The following PFKFB3 variants were observed in gnomAD, a reference collection of about 807,000 sequenced individuals.
PFKFB3 encodes 6-phosphofructo-2-kinase/fructose-2,6-biphosphatase 3.
PFKFB3 carries 33 observed loss-of-function variants against 68.0 expected under a neutral mutation model. The ratio of observed to expected loss-of-function variants is 0.49; its 90% CI spans 0.37 to 0.65. The LOEUF is 0.65. Ranked by LOEUF, PFKFB3 falls within the 30% of genes least tolerant of loss-of-function variation. The probability of loss-of-function intolerance (pLI) is 0.00; values close to 1 mark genes in which losing one functional copy is unlikely to be tolerated. For missense variants in PFKFB3, 586 were observed against 712.2 expected (o/e 0.82, Z 2.02); for synonymous variants, 315 against 288.2 (o/e 1.09, Z -0.94).
chr10:6,201,619 C>T (rs1843360072), upstream of PFKFB3, among the ~76,000 whole-genome samples: 1 of 152,120 alleles, frequency 6.6e-6, no homozygotes, highest in African/African-American at 2.4e-5. This position sits in a 1 kb window ranked among gnomAD's most constrained non-coding sequence, Gnocchi z 4.1. Context: ...TGGGCGCGGG[C>T]GCCCTCCCTG....
intron 1 of PFKFB3, among the ~76,000 whole-genome samples, chr10:6,187,037 G>A (rs1365802872): frequency 1.3e-5 from 2 of 151,966 alleles, no homozygotes; most frequent in African/African-American, 4.8e-5. Context: ...ATGTGGAAGT[G>A]CGGTGTGGGC....
the PFKFB3 span, among the ~76,000 whole-genome samples, chr10:6,305,036 A>G: frequency 0.059 from 764 of 12,890 alleles, 22 homozygotes; most frequent in African/African-American, 0.11. Flanking sequence ...TTTTTTTAGT[A>G]GAGATGACAT....
chr10:6,228,606 C>CT lies in PFKFB3; in HGVS notation c.1515+2241_1515+2242insT, dbSNP rs1313100911. On this transcript the variant is annotated intron_variant, in intron 14 of 14. Transcript: ENST00000379775. This position sits in a 1 kb window ranked among gnomAD's most constrained non-coding sequence, Gnocchi z 4.5. ...GTGCCAGGTGCCATTAGCCTTAAAG[C>CT]CCCCTCCTGCCCCAGGAGTGTCCTT... Among the ~76,000 whole-genome samples the CT allele has an allele frequency of 5.3e-5, 8 of 152,214 alleles. No homozygotes were observed. In the East Asian group the frequency reaches 1.6e-3, roughly 30 times the overall value.
the PFKFB3 span, among the ~76,000 whole-genome samples, chr10:6,288,570 ATATGTG>A: frequency 6.6e-6 from 1 of 151,718 alleles, no homozygotes; most frequent in Non-Finnish European, 1.5e-5. Context: ...TCCATGGTGT[ATATGTG>A]CCACATTTTC....
the PFKFB3 span, among the ~76,000 whole-genome samples, chr10:6,291,069 C>A: frequency 6.6e-6 from 1 of 151,798 alleles, no homozygotes; most frequent in Non-Finnish European, 1.5e-5. Flanking sequence ...ATAGAATAGG[C>A]ATAAATCAAA....
intron 1 of PFKFB3, 74 bp from the exon 2 acceptor site, chr10:6,213,549 T>C (rs1844369039): frequency 6.6e-7 from 1 of 1,509,430 alleles, no homozygotes; most frequent in South Asian, 1.2e-5. Context: ...TTCAGTGTTA[T>C]TGTTGGGTGT....
intron 14 of PFKFB3, chr10:6,231,357 C>T (rs1035648564): frequency 2.1e-5 from 34 of 1,611,244 alleles, no homozygotes; most frequent in Admixed American, 3.3e-5. Context: ...CACCGCGTCA[C>T]GGCATCTGGG....
intron 1 of PFKFB3, among the ~76,000 whole-genome samples, chr10:6,155,197 G>GTT (rs1554839904): frequency 2.0e-5 from 2 of 101,324 alleles, no homozygotes; most frequent in African/African-American, 5.6e-5. Flanking sequence ...GCACTTACGA[G>GTT]TTTTTTTCTT....
chr10:6,160,412 T>A (rs1036186432), intron 1 of PFKFB3, among the ~76,000 whole-genome samples: 1 of 152,204 alleles, frequency 6.6e-6, no homozygotes, highest in Non-Finnish European at 1.5e-5. Flanking sequence ...AGTTCCCTTT[T>A]GACCTGTTAC....
chr10:6,308,447 C>T, the PFKFB3 span, among the ~76,000 whole-genome samples: 1 of 152,144 alleles, frequency 6.6e-6, no homozygotes, highest in African/African-American at 2.4e-5. Flanking sequence ...ACCTGGGAGA[C>T]AGAGGTTGCA....
chr10:6,250,510 G>T (rs542149799), intron 14 of PFKFB3, among the ~76,000 whole-genome samples: 2 of 151,756 alleles, frequency 1.3e-5, no homozygotes, highest in Admixed American at 6.6e-5. Flanking sequence ...GGCAGAGCTT[G>T]CAGTGAGCCA....
At chr10:6,291,555 CAAAA>C in the PFKFB3 span, among the ~76,000 whole-genome samples, 2 of 59,152 alleles carry the variant, frequency 3.4e-5, no homozygotes, top group Middle Eastern at 9.4e-3. Context: ...GACTCTGTCT[CAAAA>C]AAAAAAAAAA....
chr10:6,312,341 G>A, the PFKFB3 span, among the ~76,000 whole-genome samples: 1 of 152,008 alleles, frequency 6.6e-6, no homozygotes, highest in East Asian at 1.9e-4. Flanking sequence ...TTTTGCCTGG[G>A]CTCTTTCTAC....
the PFKFB3 span, among the ~76,000 whole-genome samples, chr10:6,260,834 T>A: frequency 6.6e-6 from 1 of 152,372 alleles, no homozygotes; most frequent in Non-Finnish European, 1.5e-5. Flanking sequence ...CTATTATGAA[T>A]AATGATTCTT....
Position 6,228,748 on chromosome 10 carries a change from AC to A in PFKFB3, c.1515+2387del, listed in dbSNP as rs1321884044. Reference sequence around the variant, plus strand: ...CTCCCTCCCCATGAGGACCCCCCACACCCCAAAAGAGCTCCGAGTGGAGACC... The same window carrying A: ...CTCCCTCCCCATGAGGACCCCCCACACCCAAAAGAGCTCCGAGTGGAGACC... On this transcript the variant is annotated intron_variant, in intron 14 of 14. Transcript: ENST00000379775. This position sits in a 1 kb window ranked among gnomAD's most constrained non-coding sequence, Gnocchi z 4.5. Among the ~76,000 whole-genome samples the A allele has an allele frequency of 6.6e-6, 1 of 151,756 alleles. No individual in the cohort carries two copies. Among genetic ancestry groups the A allele is most frequent in the East Asian group, 1.9e-4 (1 of 5,166 alleles).
chr10:6,255,281 T>A (rs1846479418), downstream of PFKFB3, among the ~76,000 whole-genome samples: 1 of 151,978 alleles, frequency 6.6e-6, no homozygotes, highest in Non-Finnish European at 1.5e-5. Flanking sequence ...CACGCCACCA[T>A]GCCCAGCTAA....
In PFKFB3 at chr10:6,216,050, C is replaced by T. The variant is rs185998775; in HGVS notation, c.300-75C>T. 2.5e-4 allele frequency: 309 copies of T among 1,252,230 alleles called. 1 individual carries two copies. In the African/African-American group the frequency reaches 3.6e-3, roughly 15 times the overall value. The allele number at this position is 1,252,230 out of a possible 1,614,324, so 77.6% of individuals were successfully genotyped here. On this transcript the variant is annotated intron_variant, in intron 3 of 14. Coordinates refer to ENST00000379775, the MANE Select transcript of PFKFB3 (RefSeq NM_004566.4). ...CCACCAGTTACTCTGCTTGTCGGGG[C>T]GTGTCGGGAGTTGCTTGGGCTGCCC...
At chr10:6,261,887 C>T in the PFKFB3 span, among the ~76,000 whole-genome samples, 3 of 152,174 alleles carry the variant, frequency 2.0e-5, no homozygotes, top group Non-Finnish European at 2.9e-5. Context: ...CCCAGCTATA[C>T]TCAGGAAGCT....
the PFKFB3 span, among the ~76,000 whole-genome samples, chr10:6,262,972 C>T: frequency 1.3e-5 from 2 of 152,124 alleles, no homozygotes; most frequent in Admixed American, 6.6e-5. Context: ...CCTGCCGAGA[C>T]CACCTCGGTC....
Sources: allele counts gnomAD v4.1 joint callset (sites outside exome capture counted in the v4.1 genomes callset), GRCh38; gene constraint gnomAD v4.1.1; non-coding constraint Gnocchi (gnomAD v3.1); transcripts MANE v1.5; gene names NCBI Gene and HGNC (gene_info 2026-07-23, HGNC 2026-07-21).